SNTG1: variants seen among roughly 807,000 people sequenced by gnomAD.
The protein encoded by SNTG1 is syntrophin gamma 1.
Under a neutral mutation model 74.7 loss-of-function variants are expected in SNTG1, and 39 were observed. That is an observed-to-expected ratio of 0.52 (90% CI 0.40 to 0.68). The LOEUF is 0.68. Ranked by LOEUF, SNTG1 falls within the 30% of genes least tolerant of loss-of-function variation. SNTG1 has a pLI of 0.00. For missense variants in SNTG1, 685 were observed against 609.5 expected (o/e 1.12, Z -1.30); for synonymous variants, 254 against 217.1 (o/e 1.17, Z -1.49).
At chr8:50,262,891 A>T (rs1041053050) in intron 2 of SNTG1, among the ~76,000 whole-genome samples, 1 of 152,244 alleles carries the variant, frequency 6.6e-6, no homozygotes, top group Non-Finnish European at 1.5e-5. Context: ...GAGAAGACAG[A>T]ACTGTAGAGA....
At chr8:50,515,564 C>T (rs958120801) in intron 9 of SNTG1, among the ~76,000 whole-genome samples, 27 of 152,144 alleles carry the variant, frequency 1.8e-4, no homozygotes, top group African/African-American at 4.8e-4. Context: ...TTGAAATTCT[C>T]GCTGCCAGAA....
At chr8:50,205,909 T>G (rs535997310) in intron 2 of SNTG1, among the ~76,000 whole-genome samples, 3 of 152,300 alleles carry the variant, frequency 2.0e-5, no homozygotes, top group Admixed American at 2.0e-4. Flanking sequence ...AGGGCTCTGT[T>G]CTGTTCCATT....
At chr8:50,047,824 G>T (rs765862435) in intron 1 of SNTG1, among the ~76,000 whole-genome samples, 21 of 152,060 alleles carry the variant, frequency 1.4e-4, no homozygotes, top group Non-Finnish European at 2.8e-4. Flanking sequence ...ATGAAGATGC[G>T]CCAAAGAATC....
At chr8:50,122,510 T>C (rs2081030087) in intron 1 of SNTG1, among the ~76,000 whole-genome samples, 4 of 141,788 alleles carry the variant, frequency 2.8e-5, no homozygotes. Flanking sequence ...TCTTCAAGGC[T>C]ATTAGAGCCT....
chr8:50,194,889 G>T (rs373724436), intron 2 of SNTG1, among the ~76,000 whole-genome samples: 5 of 152,046 alleles, frequency 3.3e-5, no homozygotes, highest in East Asian at 3.9e-4. Flanking sequence ...TCAGTTCGAA[G>T]AATTTTTTTA....
At chr8:50,551,388 A>G (rs1462440243) in intron 11 of SNTG1, among the ~76,000 whole-genome samples, 1 of 152,190 alleles carries the variant, frequency 6.6e-6, no homozygotes, top group East Asian at 1.9e-4. Flanking sequence ...ATAATTACAT[A>G]GATTGAAGAT....
chr8:50,756,099 T>A (rs2095579719), intron 18 of SNTG1, among the ~76,000 whole-genome samples: 1 of 146,868 alleles, frequency 6.8e-6, no homozygotes, highest in Admixed American at 6.8e-5. Context: ...TTAATTGGAA[T>A]TTTTGTTTTG....
chr8:50,716,275 T>TA (rs2095474771), intron 17 of SNTG1, among the ~76,000 whole-genome samples: 3 of 152,198 alleles, frequency 2.0e-5, no homozygotes, highest in African/African-American at 7.2e-5. Flanking sequence ...ACTAAAAATA[T>TA]TAAAAAAATT....
intron 1 of SNTG1, among the ~76,000 whole-genome samples, chr8:50,040,586 G>A (rs183532302): frequency 6.6e-6 from 1 of 152,254 alleles, no homozygotes; most frequent in Admixed American, 6.5e-5. Flanking sequence ...AAGATATTCT[G>A]TAGGACAAGC....
intron 15 of SNTG1, among the ~76,000 whole-genome samples, chr8:50,659,144 C>G (rs1346729022): frequency 6.6e-6 from 1 of 152,094 alleles, no homozygotes; most frequent in Non-Finnish European, 1.5e-5. Context: ...GCTTGACCAT[C>G]TTTTTGCATA....
intron 9 of SNTG1, among the ~76,000 whole-genome samples, chr8:50,507,466 A>T (rs2623202): frequency 0.41 from 62,874 of 151,652 alleles, 17,885 homozygotes; most frequent in African/African-American, 0.82. Flanking sequence ...GGCCCTTCGT[A>T]TTTTGTGAGG....
intron 12 of SNTG1, among the ~76,000 whole-genome samples, chr8:50,579,846 G>A (rs12543580): frequency 0.61 from 92,267 of 152,142 alleles, 30,732 homozygotes; most frequent in East Asian, 0.78. Flanking sequence ...TGCTGCAGCA[G>A]TGGAGCCCTC....
intron 2 of SNTG1, among the ~76,000 whole-genome samples, chr8:50,238,521 C>A (rs1156410717): frequency 6.6e-6 from 1 of 152,044 alleles, no homozygotes; most frequent in East Asian, 1.9e-4. Context: ...AAATGTAAAA[C>A]CTAATACTAT....
At chr8:50,595,543 T>G (rs2094721720) in intron 13 of SNTG1, among the ~76,000 whole-genome samples, 1 of 152,110 alleles carries the variant, frequency 6.6e-6, no homozygotes, top group Non-Finnish European at 1.5e-5. Flanking sequence ...GTTGTATATG[T>G]GTGTGTGTTG....
At chr8:50,071,431 T>C (rs905495730) in intron 1 of SNTG1, among the ~76,000 whole-genome samples, 1 of 152,158 alleles carries the variant, frequency 6.6e-6, no homozygotes, top group Non-Finnish European at 1.5e-5. Context: ...AATATATATA[T>C]GCATATATAT....
At position 50,105,781 on chromosome 8, in the gene SNTG1, T is replaced by A. The variant is rs931382757; in HGVS notation, c.-102-66780T>A. On this transcript the variant is annotated intron_variant, in intron 1 of 18. Transcript: ENST00000642720. ...AGCTGTATTCCTAGGTATTTTATTATTTTTGTGACTATTGTGAGTGAGATC... is the reference window on the plus strand; with the variant it reads ...AGCTGTATTCCTAGGTATTTTATTAATTTTGTGACTATTGTGAGTGAGATC... Among the ~76,000 whole-genome samples, 3 of 152,134 alleles carry A rather than the reference T, an allele frequency of 2.0e-5. 1 individual carries two copies. Among genetic ancestry groups the A allele is most frequent in the Middle Eastern group, 6.3e-3 (2 of 316 alleles).
intron 12 of SNTG1, among the ~76,000 whole-genome samples, chr8:50,576,627 TA>T (rs564410952): frequency 8.4e-4 from 128 of 152,268 alleles, no homozygotes; most frequent in African/African-American, 2.5e-3. Flanking sequence ...TTGTCTTGTT[TA>T]ATTTTTTAAG....
At chr8:50,591,225 A>G (rs2130876342) in intron 13 of SNTG1, among the ~76,000 whole-genome samples, 1 of 152,222 alleles carries the variant, frequency 6.6e-6, no homozygotes, top group East Asian at 1.9e-4. Context: ...AGTATATCTT[A>G]ACTTCTGGGA....
At chr8:49,974,547 T>C (rs1585729326) in intron 1 of SNTG1, among the ~76,000 whole-genome samples, 1 of 152,302 alleles carries the variant, frequency 6.6e-6, no homozygotes, top group East Asian at 1.9e-4. Flanking sequence ...TATTTTTCTT[T>C]TGGTGTCATA....
Sources: allele counts gnomAD v4.1 joint callset (sites outside exome capture counted in the v4.1 genomes callset), GRCh38; gene constraint gnomAD v4.1.1; transcripts MANE v1.5; gene names NCBI Gene and HGNC (gene_info 2026-07-23, HGNC 2026-07-21).